Variants in FAM107B observed in about 807,000 individuals in gnomAD.
FAM107B encodes protein FAM107B.
FAM107B carries 21 observed loss-of-function variants against 31.5 expected under a neutral mutation model. The ratio of observed to expected loss-of-function variants is 0.67; its 90% CI spans 0.47 to 0.96. The LOEUF is 0.96. Among genes scored for constraint, FAM107B ranks in the 40% least tolerant of loss-of-function variants. FAM107B has a pLI of 0.00. For synonymous variants in FAM107B, 157 were observed against 141.5 expected, an observed-to-expected ratio of 1.11 and a Z score of -0.78; for missense variants, 452 against 377.1, an observed-to-expected ratio of 1.20 and a Z score of -1.64.
At chr10:14,677,773 C>G (rs1327132762) in intron 1 of FAM107B, among the ~76,000 whole-genome samples, 4 of 152,166 alleles carry the variant, frequency 2.6e-5, no homozygotes, top group Non-Finnish European at 5.9e-5. Flanking sequence ...AGAGCTAAAA[C>G]CAGGAAAGTC....
chr10:14,604,121 A>AGGGGGC, intron 2 of FAM107B: 1 of 169,372 alleles, frequency 5.9e-6, no homozygotes, highest in Non-Finnish European at 9.8e-6. Context: ...GGGACCCCCC[A>AGGGGGC]CCCGCCCGGC....
intron 1 of FAM107B, among the ~76,000 whole-genome samples, chr10:14,676,718 T>C (rs1024479742): frequency 6.6e-6 from 1 of 152,246 alleles, no homozygotes; most frequent in Non-Finnish European, 1.5e-5. Flanking sequence ...CTGCACTGTA[T>C]GTGTGCACTT....
At chr10:14,666,744 T>G (rs2131471659) in intron 2 of FAM107B, among the ~76,000 whole-genome samples, 1 of 152,054 alleles carries the variant, frequency 6.6e-6, no homozygotes, top group African/African-American at 2.4e-5. Context: ...TTGATGGGGG[T>G]ACAGGGAACT....
chr10:14,734,936 T>A (rs1856264546), intron 1 of FAM107B, among the ~76,000 whole-genome samples: 1 of 152,086 alleles, frequency 6.6e-6, no homozygotes, highest in Non-Finnish European at 1.5e-5. Flanking sequence ...TCTCCTCCCC[T>A]GGCACATAGA....
chr10:14,575,313 C>A (rs1184893385), intron 2 of FAM107B, among the ~76,000 whole-genome samples: 1 of 152,024 alleles, frequency 6.6e-6, no homozygotes, highest in Admixed American at 6.6e-5. Context: ...AAGCGATTCT[C>A]CTGCCTCAGC....
intron 1 of FAM107B, among the ~76,000 whole-genome samples, chr10:14,720,376 C>T (rs539034809): frequency 2.2e-4 from 33 of 152,312 alleles, no homozygotes; most frequent in African/African-American, 7.7e-4. Context: ...GCCTCGGGCT[C>T]CAGAGTAGCT....
Position 14,601,575 on chromosome 10 carries a change from A to AC in FAM107B, c.469+66058dup, listed in dbSNP as rs543596367. Among the ~76,000 whole-genome samples, 935 of 152,080 alleles carry AC rather than the reference A, an allele frequency of 6.1e-3. 8 individuals carry two copies. The highest frequency in any genetic ancestry group is 0.022 in the African/African-American group (901 of 41,476). ...CATCCCACTCCACAGCAGCTTTCCCACCCCCGAGTGTGCCCCACAGCACAC... is the reference window on the plus strand; with the variant it reads ...CATCCCACTCCACAGCAGCTTTCCCACCCCCCGAGTGTGCCCCACAGCACAC... On this transcript the variant is annotated intron_variant, in intron 2 of 4. Transcript: ENST00000181796.
chr10:14,632,844 G>A (rs1853402893), intron 2 of FAM107B, among the ~76,000 whole-genome samples: 1 of 152,128 alleles, frequency 6.6e-6, no homozygotes, highest in Admixed American at 6.6e-5. Flanking sequence ...ATGCCAGCTA[G>A]GGAAGGGGTT....
intron 1 of FAM107B, among the ~76,000 whole-genome samples, chr10:14,683,602 G>T (rs901310843): frequency 2.0e-5 from 3 of 152,140 alleles, no homozygotes; most frequent in Non-Finnish European, 2.9e-5. Flanking sequence ...CTGGAAGATA[G>T]AGGGGTAAGC....
Position 14,530,449 on chromosome 10 carries a change from G to T in FAM107B, c.536C>A (p.Pro179Gln). The T allele has an allele frequency of 6.2e-7, 1 of 1,614,062 alleles. No individual in the cohort carries two copies. The highest frequency in any genetic ancestry group is 8.5e-7 in the Non-Finnish European group (1 of 1,180,004). The change falls in exon 3 of 5, where the codon CCA becomes CAA. Residue 179 changes from proline to glutamine, a missense_variant. Pro to Gln is a moderately conservative substitution (Grantham distance 76). Transcript: ENST00000181796. ...AGGATTGTCATCTTCTATGTAGTCT[G>T]GCTCGGCCATGATGCTTCTTGTAAT... ...YLITRSIMAEPDYIEDDNPEL... is the reference protein window; with the variant it reads ...YLITRSIMAEQDYIEDDNPEL...
intron 1 of FAM107B, among the ~76,000 whole-genome samples, chr10:14,671,457 G>A (rs774311255): frequency 3.3e-5 from 5 of 152,148 alleles, no homozygotes; most frequent in Admixed American, 6.5e-5. Flanking sequence ...ACAGGAAGAG[G>A]AGGGGCCAGG....
chr10:14,546,261 G>A (rs868706128), intron 2 of FAM107B, among the ~76,000 whole-genome samples: 1 of 152,166 alleles, frequency 6.6e-6, no homozygotes, highest in African/African-American at 2.4e-5. Flanking sequence ...GCTCGGACTA[G>A]GACCAAGATT....
chr10:14,628,489 C>T (rs1475206151), intron 2 of FAM107B, among the ~76,000 whole-genome samples: 2 of 152,044 alleles, frequency 1.3e-5, no homozygotes, highest in Non-Finnish European at 2.9e-5. Flanking sequence ...GAAGGTAACC[C>T]CAATGCACTA....
chr10:14,552,915 G>A (rs1185116556), intron 2 of FAM107B, among the ~76,000 whole-genome samples: 3 of 152,124 alleles, frequency 2.0e-5, no homozygotes, highest in African/African-American at 7.2e-5. Flanking sequence ...TAGCAGCTTG[G>A]AAAATCCTGC....
chr10:14,554,187 C>T (rs948610485), intron 2 of FAM107B: 19 of 983,626 alleles, frequency 1.9e-5, no homozygotes, highest in Non-Finnish European at 2.3e-5. Flanking sequence ...TTTTCCTCTA[C>T]CCTCCCACTG....
intron 2 of FAM107B, among the ~76,000 whole-genome samples, chr10:14,577,964 T>C (rs940798687): frequency 2.0e-5 from 3 of 152,184 alleles, no homozygotes; most frequent in Non-Finnish European, 4.4e-5. Context: ...CACCTAAAAA[T>C]GGCTCCCTTC....
chr10:14,644,533 TCTC>T (rs1853706354), intron 2 of FAM107B, among the ~76,000 whole-genome samples: 1 of 152,234 alleles, frequency 6.6e-6, no homozygotes, highest in African/African-American at 2.4e-5. Context: ...TGTCTGATGT[TCTC>T]CTCTGCACTA....
intron 2 of FAM107B, among the ~76,000 whole-genome samples, chr10:14,558,604 C>T (rs1192362925): frequency 4.0e-5 from 6 of 150,710 alleles, no homozygotes; most frequent in Admixed American, 1.3e-4. Flanking sequence ...TTTTTTTTAA[C>T]TGTATTCCTT....
intron 1 of FAM107B, among the ~76,000 whole-genome samples, chr10:14,711,540 TGTA>T (rs1277940507): frequency 6.6e-6 from 1 of 152,198 alleles, no homozygotes; most frequent in Non-Finnish European, 1.5e-5. Flanking sequence ...AGCCTAGCTG[TGTA>T]GTAGCCTAGA....
Sources: allele counts gnomAD v4.1 joint callset (sites outside exome capture counted in the v4.1 genomes callset), GRCh38; gene constraint gnomAD v4.1.1; transcripts MANE v1.5; gene names NCBI Gene and HGNC (gene_info 2026-07-23, HGNC 2026-07-21).